The following FGF13 variants were observed in gnomAD, a reference collection of about 807,000 sequenced individuals.
The protein encoded by FGF13 is fibroblast growth factor homologous factor 2.
Under a neutral mutation model 19.5 loss-of-function variants are expected in FGF13, and 2 were observed. The ratio of observed to expected loss-of-function variants is 0.10; its 90% CI spans 0.04 to 0.32. The LOEUF (loss-of-function observed/expected upper bound fraction) is 0.32, where lower values mean the gene tolerates loss of function less well. Ranked by LOEUF, FGF13 falls within the 10% of genes least tolerant of loss-of-function variation. The pLI, the probability that FGF13 is intolerant of heterozygous loss-of-function variation, is 1.00. For synonymous variants in FGF13, 72 were observed against 76.9 expected, an observed-to-expected ratio of 0.94 and a Z score of 0.33; for missense variants, 113 against 192.7, an observed-to-expected ratio of 0.59 and a Z score of 2.45.
chrX:138,812,531 G>C (rs927248715), intron 3 of FGF13, among the ~76,000 whole-genome samples: 10 of 110,746 alleles, frequency 9.0e-5, no homozygotes, highest in African/African-American at 3.3e-4. Flanking sequence ...TCTCACTATG[G>C]AAAAAGGAGA....
At chrX:139,010,485 T>A (rs983709718) in intron 1 of FGF13, among the ~76,000 whole-genome samples, 2 of 111,725 alleles carry the variant, frequency 1.8e-5, no homozygotes, top group African/African-American at 6.5e-5. Context: ...AAATTGGAAA[T>A]CATATCTAAA....
chrX:139,016,695 G>A (rs2092154607), intron 1 of FGF13, among the ~76,000 whole-genome samples: 3 of 111,378 alleles, frequency 2.7e-5, no homozygotes, highest in Admixed American at 9.5e-5. Flanking sequence ...AGTCTGTGAG[G>A]TGCCTCAGGG....
chrX:138,813,864 G>A (rs2090943305), intron 3 of FGF13, among the ~76,000 whole-genome samples: 1 of 111,310 alleles, frequency 9.0e-6, no homozygotes, highest in South Asian at 3.7e-4. Flanking sequence ...TCTGGCTTCA[G>A]TGGAGTCACC....
intron 1 of FGF13, among the ~76,000 whole-genome samples, chrX:138,929,261 G>GTC (rs1462416448): frequency 9.2e-6 from 1 of 109,069 alleles, no homozygotes; most frequent in Non-Finnish European, 1.9e-5. Context: ...GTGTGTGTGT[G>GTC]TGTGTCTCTC....
intron 1 of FGF13, among the ~76,000 whole-genome samples, chrX:138,915,168 A>G (rs2091611899): frequency 9.0e-6 from 1 of 111,440 alleles, no homozygotes; most frequent in African/African-American, 3.3e-5. Flanking sequence ...CCAGTTGCTC[A>G]TTAATATACT....
intron 1 of FGF13, among the ~76,000 whole-genome samples, chrX:138,721,526 C>T (rs916346795): frequency 4.5e-5 from 5 of 111,030 alleles, no homozygotes; most frequent in East Asian, 2.8e-4. Flanking sequence ...TCTACTGAAA[C>T]TTCTGTTAGG....
chrX:139,020,211 G>A (rs1392681799), intron 1 of FGF13, among the ~76,000 whole-genome samples: 1 of 111,346 alleles, frequency 9.0e-6, no homozygotes, highest in African/African-American at 3.3e-5. Flanking sequence ...AATGTTTTTC[G>A]CTTTCCTTTC....
At chrX:139,025,286 T>C (rs1288734115) in intron 1 of FGF13, among the ~76,000 whole-genome samples, 1 of 111,971 alleles carries the variant, frequency 8.9e-6, no homozygotes, top group Non-Finnish European at 1.9e-5. Context: ...TACACTCTTT[T>C]ATACTTTTCT....
chrX:138,801,143 T>C (rs1489309338), intron 3 of FGF13, among the ~76,000 whole-genome samples: 1 of 112,196 alleles, frequency 8.9e-6, no homozygotes, highest in Admixed American at 9.4e-5. Flanking sequence ...GTTACAATCA[T>C]TTGGAGGAGA....
intron 1 of FGF13, among the ~76,000 whole-genome samples, chrX:139,197,332 TTAGA>T (rs2084379748): frequency 8.9e-6 from 1 of 112,726 alleles, no homozygotes; most frequent in Admixed American, 9.3e-5. Flanking sequence ...CAGGATTAAA[TTAGA>T]TATATGTAAA....
At chrX:139,044,532 G>A (rs1253025581) in intron 1 of FGF13, among the ~76,000 whole-genome samples, 4 of 111,076 alleles carry the variant, frequency 3.6e-5, no homozygotes, top group Admixed American at 9.6e-5. Flanking sequence ...GATTTGGGTG[G>A]AAACAATTAT....
chrX:139,166,713 C>G (rs1256336651), intron 1 of FGF13, among the ~76,000 whole-genome samples: 1 of 111,301 alleles, frequency 9.0e-6, no homozygotes, highest in Non-Finnish European at 1.9e-5. Flanking sequence ...AGACACCATG[C>G]CACTGGACTT....
At chrX:139,062,610 T>C (rs1232707744) in intron 1 of FGF13, among the ~76,000 whole-genome samples, 2 of 112,205 alleles carry the variant, frequency 1.8e-5, no homozygotes, top group Non-Finnish European at 3.8e-5. Context: ...CTGACAGGGA[T>C]TGCAATGAAT....
intron 1 of FGF13, among the ~76,000 whole-genome samples, chrX:139,088,153 A>T (rs1035546483): frequency 2.7e-5 from 3 of 112,220 alleles, no homozygotes; most frequent in African/African-American, 9.7e-5. Context: ...CAGCTATGAC[A>T]TTGTTAGGAG....
At chrX:138,780,954 A>G (rs1440272024) in intron 3 of FGF13, among the ~76,000 whole-genome samples, 1 of 110,880 alleles carries the variant, frequency 9.0e-6, no homozygotes, top group African/African-American at 3.3e-5. Flanking sequence ...AACAGAAATT[A>G]TAACAAACTA....
chrX:138,798,905 T>G (rs962326860), intron 3 of FGF13, among the ~76,000 whole-genome samples: 4 of 111,664 alleles, frequency 3.6e-5, no homozygotes, highest in African/African-American at 1.3e-4. Context: ...TGGGGTCAGT[T>G]GTGATATCCT....
Position 139,058,646 on chromosome X carries a change from A to G in FGF13, c.-113+144770T>C, listed in dbSNP as rs150554451. Among the ~76,000 whole-genome samples, 25 of 112,438 alleles carry G rather than the reference A, an allele frequency of 2.2e-4. No homozygotes were observed. In the East Asian group the frequency reaches 4.2e-3, roughly 19 times the overall value. On this transcript the variant is annotated intron_variant, in intron 1 of 2. Coordinates refer to the FGF13 transcript ENST00000421460. ...GATTCTCAACATAATGTGTGAACAT[A>G]CTAAAGTAAGATGAAAAAATCTGTA... is the stretch of plus-strand genomic sequence containing the variant.
intron 1 of FGF13, among the ~76,000 whole-genome samples, chrX:138,967,954 C>T (rs188587624): frequency 1.8e-5 from 2 of 111,002 alleles, no homozygotes; most frequent in East Asian, 5.7e-4. Context: ...CTGGTTCCTT[C>T]CTTTTCCAGA....
intron 1 of FGF13, among the ~76,000 whole-genome samples, chrX:138,953,741 T>C (rs2091826473): frequency 9.0e-6 from 1 of 110,622 alleles, no homozygotes; most frequent in Non-Finnish European, 1.9e-5. Flanking sequence ...TACTTAGCAA[T>C]AAAAAGAAAC....
Sources: gnomAD v4.1 joint callset for allele counts (sites outside exome capture counted in the v4.1 genomes callset) on GRCh38, gnomAD v4.1.1 for gene constraint, MANE v1.5 for transcripts, NCBI Gene and HGNC (gene_info 2026-07-23, HGNC 2026-07-21) for gene names.